The following SORD variants were observed in gnomAD, a reference collection of about 807,000 sequenced individuals.
The protein encoded by SORD is (R,R)-butanediol dehydrogenase.
In SORD, 18 loss-of-function variants were observed where a neutral mutation model predicts 35.6. The observed-to-expected ratio is 0.51, with a 90% confidence interval of 0.35 to 0.75. The LOEUF (loss-of-function observed/expected upper bound fraction) is 0.75, where lower values mean the gene tolerates loss of function less well. Among genes scored for constraint, SORD ranks in the 30% least tolerant of loss-of-function variants. SORD has a pLI of 0.01. For synonymous variants in SORD, 106 were observed against 152.9 expected (o/e 0.69, Z 2.26); for missense variants, 250 against 390.2 (o/e 0.64, Z 3.03).
At chr15:45,061,877 AAAC>A (rs780065281) in intron 4 of SORD, among the ~76,000 whole-genome samples, 32 of 149,762 alleles carry the variant, frequency 2.1e-4, no homozygotes, top group South Asian at 4.2e-4. Context: ...TCAAAAAGAA[AAAC>A]AACAACAATG....
intron 1 of SORD, among the ~76,000 whole-genome samples, chr15:45,028,257 G>T (rs1459451615): frequency 6.6e-6 from 1 of 152,254 alleles, no homozygotes; most frequent in Non-Finnish European, 1.5e-5. Context: ...GAATGGGGAG[G>T]CAGAGGTTGC....
At chr15:45,039,034 C>T (rs776992700) in intron 1 of SORD, among the ~76,000 whole-genome samples, 3 of 152,184 alleles carry the variant, frequency 2.0e-5, no homozygotes, top group Non-Finnish European at 4.4e-5. Context: ...TTCGCAGCTT[C>T]GAATTTCTCA....
At chr15:45,050,704 G>A (rs1014286201) in intron 3 of SORD, 2 of 152,178 alleles carry the variant, frequency 1.3e-5, no homozygotes, top group African/African-American at 4.8e-5. Flanking sequence ...TGCGCTGATG[G>A]AAACAACTAT....
At position 45,066,016 on chromosome 15, in the gene SORD, G is replaced by C. The variant is rs116877975; in HGVS notation, c.544+627G>C. Among the ~76,000 whole-genome samples, 272 of 152,064 alleles carry C rather than the reference G, an allele frequency of 1.8e-3. 5 individuals are homozygous for C. The East Asian group carries it at 0.049, about 28-fold the overall frequency. On this transcript the variant is annotated intron_variant, in intron 5 of 8. Coordinates refer to ENST00000267814, the MANE Select transcript of SORD (RefSeq NM_003104.6). ...CTCAGCACTTTGGAAGGCTGAGACGGGTAGATCACTTGAGGCCAAAAGTTC... is the reference window on the plus strand; with the variant it reads ...CTCAGCACTTTGGAAGGCTGAGACGCGTAGATCACTTGAGGCCAAAAGTTC...
At chr15:45,056,685 A>G (rs1038401171) in intron 3 of SORD, among the ~76,000 whole-genome samples, 1 of 152,234 alleles carries the variant, frequency 6.6e-6, no homozygotes, top group Non-Finnish European at 1.5e-5. Context: ...AGTGGCCATT[A>G]TGGGGATGTG....
chr15:45,054,092 C>A (rs2141276513), intron 3 of SORD, among the ~76,000 whole-genome samples: 1 of 150,054 alleles, frequency 6.7e-6, no homozygotes, highest in South Asian at 2.1e-4. Context: ...GTGAATAGTG[C>A]TGCAATAAAC....
chr15:45,031,516 T>A (rs1285252703), intron 1 of SORD, among the ~76,000 whole-genome samples: 1 of 152,246 alleles, frequency 6.6e-6, no homozygotes, highest in Non-Finnish European at 1.5e-5. Context: ...GGGCAGAGCT[T>A]CTACAGGCTC....
chr15:45,028,908 C>A (rs1056623280), intron 1 of SORD, among the ~76,000 whole-genome samples: 1 of 152,226 alleles, frequency 6.6e-6, no homozygotes, highest in African/African-American at 2.4e-5. Context: ...AGGGCATGAA[C>A]ATGGGCAGCT....
intron 3 of SORD, among the ~76,000 whole-genome samples, chr15:45,052,463 C>G (rs146884068): frequency 2.0e-5 from 3 of 152,112 alleles, no homozygotes; most frequent in Non-Finnish European, 2.9e-5. Flanking sequence ...GAACTAGAGG[C>G]CTTGGACAAA....
intron 3 of SORD, among the ~76,000 whole-genome samples, chr15:45,045,544 CAAAAAAAAA>C (rs58487905): frequency 1.6e-5 from 1 of 62,820 alleles, no homozygotes; most frequent in Non-Finnish European, 2.9e-5. Context: ...GACTCCATCT[CAAAAAAAAA>C]AAAAAAAAAA....
intron 6 of SORD, among the ~76,000 whole-genome samples, chr15:45,068,491 G>A (rs1032914235): frequency 7.9e-5 from 12 of 151,518 alleles, no homozygotes; most frequent in African/African-American, 2.9e-4. Context: ...GGTGGATATG[G>A]GGGTATATGA....
At chr15:45,037,711 A>G (rs1396195117) in intron 1 of SORD, among the ~76,000 whole-genome samples, 1 of 152,160 alleles carries the variant, frequency 6.6e-6, no homozygotes, top group Admixed American at 6.5e-5. Context: ...ACAGAAAACC[A>G]AATACCACAT....
chr15:45,050,699 T>A (rs1893111348), intron 3 of SORD: 1 of 152,218 alleles, frequency 6.6e-6, no homozygotes, highest in African/African-American at 2.4e-5. Flanking sequence ...CTTACTGCGC[T>A]GATGGAAACA....
At position 45,069,042 on chromosome 15, in the gene SORD, C is replaced by T. The variant is rs746985755; in HGVS notation, c.776C>T (p.Ala259Val). 31 of 1,609,242 alleles carry T rather than the reference C, an allele frequency of 1.9e-5. No homozygotes were observed. Among genetic ancestry groups the T allele is most frequent in the Non-Finnish European group, 2.5e-5 (30 of 1,178,150 alleles). The change falls in exon 7 of 9, where the codon GCG becomes GTG. Residue 259 changes from alanine (A) to valine (V), a missense_variant. Coordinates refer to ENST00000267814, the MANE Select transcript of SORD (RefSeq NM_003104.6). ...ACGGGGGCAGAGGCCTCCATCCAGG[C>T]GGGCATCTACGTGAGTGGGCTGAGG... is the stretch of plus-strand genomic sequence containing the variant. ...ECTGAEASIQ[A>V]GIYATRSGGN...
intron 4 of SORD, among the ~76,000 whole-genome samples, chr15:45,063,798 G>T (rs2437863): frequency 2.0e-5 from 3 of 151,864 alleles, no homozygotes; most frequent in African/African-American, 7.3e-5. Flanking sequence ...GAATCTTCAC[G>T]ATTTCATTTT....
intron 2 of SORD, among the ~76,000 whole-genome samples, chr15:45,041,549 C>G (rs868460366): frequency 3.0e-4 from 46 of 152,228 alleles, no homozygotes; most frequent in Admixed American, 2.0e-3. Flanking sequence ...GTGTTATCGA[C>G]TTGTAAGTGG....
At chr15:45,045,318 A>T (rs1410630400) in intron 3 of SORD, among the ~76,000 whole-genome samples, 1 of 152,096 alleles carries the variant, frequency 6.6e-6, no homozygotes, top group East Asian at 1.9e-4. Context: ...TGGGCAGGTC[A>T]CTTGAGGTCA....
At chr15:45,037,323 A>G (rs1245266524) in intron 1 of SORD, among the ~76,000 whole-genome samples, 1 of 152,202 alleles carries the variant, frequency 6.6e-6, no homozygotes, top group Admixed American at 6.5e-5. Context: ...GTTAACTTGA[A>G]TAAATATTTA....
intron 6 of SORD, among the ~76,000 whole-genome samples, chr15:45,068,465 CTG>C (rs1386571755): frequency 1.7e-5 from 2 of 120,658 alleles, no homozygotes; most frequent in Admixed American, 8.2e-5. Context: ...GTGTGTGTGT[CTG>C]TGTGTAGCTG....
Sources: allele counts gnomAD v4.1 joint callset (sites outside exome capture counted in the v4.1 genomes callset), GRCh38; gene constraint gnomAD v4.1.1; transcripts MANE v1.5; gene names NCBI Gene and HGNC (gene_info 2026-07-23, HGNC 2026-07-21).